The following ARNT2 variants were observed in gnomAD, a reference collection of about 807,000 sequenced individuals.
ARNT2 encodes the protein aryl hydrocarbon receptor nuclear translocator 2.
In ARNT2, 36 loss-of-function variants were observed where a neutral mutation model predicts 91.7. That is an observed-to-expected ratio of 0.39 (90% CI 0.30 to 0.52). The LOEUF is 0.52. ARNT2 is among the 20% of genes least tolerant of loss of function. The probability of loss-of-function intolerance (pLI) is 0.72; values close to 1 mark genes in which losing one functional copy is unlikely to be tolerated. For missense variants in ARNT2, 775 were observed against 939.3 expected (o/e 0.83, Z 2.29); for synonymous variants, 365 against 347.1 (o/e 1.05, Z -0.57).
chr15:80,465,816 G>A (rs1896644214), intron 3 of ARNT2, among the ~76,000 whole-genome samples: 1 of 152,142 alleles, frequency 6.6e-6, no homozygotes, highest in Admixed American at 6.5e-5. Context: ...AGGGTTCCTG[G>A]GTATTTCCTG....
chr15:80,493,087 C>T (rs1335777023), intron 5 of ARNT2, among the ~76,000 whole-genome samples: 1 of 152,210 alleles, frequency 6.6e-6, no homozygotes, highest in Non-Finnish European at 1.5e-5. Context: ...CGTGCTGTGT[C>T]ATCCCATGGT....
intron 8 of ARNT2, among the ~76,000 whole-genome samples, chr15:80,525,664 TA>T (rs553583645): frequency 6.2e-4 from 95 of 152,340 alleles, no homozygotes; most frequent in Middle Eastern, 3.4e-3. Context: ...AACAAGTTTA[TA>T]GAATCTGCTT....
chr15:80,463,328 A>AG (rs1389558558), intron 3 of ARNT2, among the ~76,000 whole-genome samples: 2 of 152,124 alleles, frequency 1.3e-5, no homozygotes, highest in Non-Finnish European at 2.9e-5. Context: ...GTTGCAGAGC[A>AG]AACGCCAAGA....
At chr15:80,537,828 A>T (rs1279159634) in intron 8 of ARNT2, among the ~76,000 whole-genome samples, 1 of 152,206 alleles carries the variant, frequency 6.6e-6, no homozygotes, top group Non-Finnish European at 1.5e-5. Context: ...TACCTGTCTA[A>T]CTATTTATAA....
chr15:80,504,641 G>C (rs771060717), intron 5 of ARNT2, among the ~76,000 whole-genome samples: 1 of 152,138 alleles, frequency 6.6e-6, no homozygotes, highest in Non-Finnish European at 1.5e-5. Context: ...GGGGGCACAC[G>C]TCTGTAGTCC....
At chr15:80,497,498 T>C (rs2141415884) in intron 5 of ARNT2, among the ~76,000 whole-genome samples, 1 of 152,366 alleles carries the variant, frequency 6.6e-6, no homozygotes, top group South Asian at 2.1e-4. Flanking sequence ...GGTGGATTCT[T>C]CTGCAGGGCC....
chr15:80,440,361 C>A (rs1191069067), intron 1 of ARNT2, among the ~76,000 whole-genome samples: 1 of 152,192 alleles, frequency 6.6e-6, no homozygotes, highest in Non-Finnish European at 1.5e-5. Context: ...AGCAGCCTCT[C>A]CACTTTTCTT....
intron 1 of ARNT2, among the ~76,000 whole-genome samples, chr15:80,419,352 C>G (rs1444839798): frequency 6.6e-6 from 1 of 152,236 alleles, no homozygotes; most frequent in Non-Finnish European, 1.5e-5. Context: ...GCTAACTCAC[C>G]TGGTTCAGGA....
intron 5 of ARNT2, among the ~76,000 whole-genome samples, chr15:80,485,241 G>T (rs918877206): frequency 5.3e-5 from 8 of 152,156 alleles, no homozygotes; most frequent in Non-Finnish European, 7.3e-5. Flanking sequence ...TGTTAGTTTT[G>T]CCCCTTTACA....
intron 1 of ARNT2, among the ~76,000 whole-genome samples, chr15:80,416,923 G>A (rs1403145028): frequency 2.6e-5 from 4 of 152,070 alleles, no homozygotes; most frequent in Non-Finnish European, 5.9e-5. Context: ...TTATGTGCTT[G>A]GCAGACCTCA....
rs1057274824 is a variant in ARNT2 at position 80,597,134 on chromosome 15, T to C, written c.*3436T>C. On this transcript the variant is annotated 3_prime_UTR_variant, in exon 19 of 19. Transcript: ENST00000303329. Reference sequence around the variant, plus strand: ...CAATGTGACTACATGTTCTCCAGATTAGCCACACATGCAAACATCAGTGTC... The same window carrying C: ...CAATGTGACTACATGTTCTCCAGATCAGCCACACATGCAAACATCAGTGTC... The C allele has an allele frequency of 9.6e-6, 5 of 518,762 alleles. No individual in the cohort carries two copies. Among genetic ancestry groups the C allele is most frequent in the Non-Finnish European group, 1.9e-5 (5 of 259,812 alleles). 32.1% of individuals were successfully genotyped at this position (518,762 alleles called of 1,614,324 possible).
chr15:80,531,694 G>C (rs185962301), intron 8 of ARNT2, among the ~76,000 whole-genome samples: 1 of 152,294 alleles, frequency 6.6e-6, no homozygotes, highest in East Asian at 1.9e-4. Flanking sequence ...CCTTGAGTAG[G>C]AGCTGGATCT....
rs886295317 is a variant in ARNT2 at position 80,594,912 on chromosome 15, C to G, written c.*1214C>G. The G allele has an allele frequency of 6.6e-6, 1 of 152,172 alleles. No homozygotes were observed. Among genetic ancestry groups the G allele is most frequent in the African/African-American group, 2.4e-5 (1 of 41,442 alleles). 9.4% of individuals were successfully genotyped at this position (152,172 alleles called of 1,614,324 possible). ...AGGCACAGAGTGCAGGTCTCAGGGGCAGAAGACATGGGTTCCAGTTCTGGT... is the reference window on the plus strand; with the variant it reads ...AGGCACAGAGTGCAGGTCTCAGGGGGAGAAGACATGGGTTCCAGTTCTGGT... On this transcript the variant is annotated 3_prime_UTR_variant, in exon 19 of 19. Coordinates refer to ENST00000303329, the MANE Select transcript of ARNT2 (RefSeq NM_014862.4).
chr15:80,455,305 C>G (rs1896465270), intron 2 of ARNT2, among the ~76,000 whole-genome samples: 1 of 152,144 alleles, frequency 6.6e-6, no homozygotes, highest in South Asian at 2.1e-4. Flanking sequence ...TGATTTACCT[C>G]CTGGTTCGCC....
rs1182460922 is a variant in ARNT2 at position 80,574,300 on chromosome 15, G to C, written c.1389+80G>C. The C allele has an allele frequency of 2.9e-6, 4 of 1,397,362 alleles. No individual in the cohort carries two copies. The African/African-American group carries it at 4.3e-5, about 15-fold the overall frequency. The allele number at this position is 1,397,362 out of a possible 1,614,324, so 86.6% of individuals were successfully genotyped here. A position where few individuals can be genotyped will look rare whatever the true frequency, so the allele number is the denominator to read the frequency against. On this transcript the variant is annotated intron_variant, in intron 13 of 18. Coordinates refer to ENST00000303329, the MANE Select transcript of ARNT2 (RefSeq NM_014862.4). The stretch of plus-strand genomic sequence containing the variant: ...TGGGACTCAATTCAGCCCTGAGCTT[G>C]AGCCCCTCAACACAAAGGATTGCCC...
At chr15:80,455,887 C>T (rs2141383922) in intron 2 of ARNT2, among the ~76,000 whole-genome samples, 1 of 152,282 alleles carries the variant, frequency 6.6e-6, no homozygotes, top group East Asian at 1.9e-4. Flanking sequence ...GTTGAAACTG[C>T]TATTTCTTTT....
At chr15:80,584,007 G>A (rs116857283) in intron 17 of ARNT2, among the ~76,000 whole-genome samples, 1 of 152,374 alleles carries the variant, frequency 6.6e-6, no homozygotes, top group Non-Finnish European at 1.5e-5. Context: ...AGTGCATCAT[G>A]TGTTACCTTT....
chr15:80,409,485 G>A (rs1895651510), intron 1 of ARNT2, among the ~76,000 whole-genome samples: 1 of 151,796 alleles, frequency 6.6e-6, no homozygotes, highest in Non-Finnish European at 1.5e-5. Flanking sequence ...CCTACTGAAG[G>A]ACATCTGGGT....
At chr15:80,438,767 A>G (rs903544211) in intron 1 of ARNT2, among the ~76,000 whole-genome samples, 1 of 152,142 alleles carries the variant, frequency 6.6e-6, no homozygotes, top group African/African-American at 2.4e-5. Context: ...TCGGCCCACT[A>G]CGACCTCCAT....
Sources: allele counts gnomAD v4.1 joint callset (sites outside exome capture counted in the v4.1 genomes callset), GRCh38; gene constraint gnomAD v4.1.1; transcripts MANE v1.5; gene names NCBI Gene and HGNC (gene_info 2026-07-23, HGNC 2026-07-21).